The following TRAK1 variants were observed in gnomAD, a reference collection of about 807,000 sequenced individuals.
The protein encoded by TRAK1 is trafficking kinesin protein 1, also known as trafficking kinesin-binding protein 1.
TRAK1 carries 33 observed loss-of-function variants against 92.1 expected under a neutral mutation model. The ratio of observed to expected loss-of-function variants is 0.36; its 90% CI spans 0.27 to 0.48. The LOEUF (loss-of-function observed/expected upper bound fraction) is 0.48. TRAK1 is among the 20% of genes least tolerant of loss of function. TRAK1 has a pLI of 0.99. For missense variants in TRAK1, 1,123 were observed against 1,257.9 expected (o/e 0.89, Z 1.62); for synonymous variants, 521 against 517.3 (o/e 1.01, Z -0.10).
At chr3:42,214,105 C>T (rs771191893) in intron 14 of TRAK1, among the ~76,000 whole-genome samples, 1 of 152,176 alleles carries the variant, frequency 6.6e-6, no homozygotes, top group East Asian at 1.9e-4. Context: ...GAACAAAGCC[C>T]ACTTGTTGAG....
intron 2 of TRAK1, among the ~76,000 whole-genome samples, chr3:42,144,519 T>A (rs1699089036): frequency 6.6e-6 from 1 of 152,162 alleles, no homozygotes; most frequent in African/African-American, 2.4e-5. Context: ...AAGCCCATGC[T>A]CTTAACTATG....
chr3:42,213,889 G>A (rs1173023858), intron 14 of TRAK1, among the ~76,000 whole-genome samples: 1 of 152,118 alleles, frequency 6.6e-6, no homozygotes, highest in Non-Finnish European at 1.5e-5. Context: ...AGGGAGTTTT[G>A]TTGTTATGGA....
chr3:42,122,032 G>T (rs145524991), intron 1 of TRAK1, among the ~76,000 whole-genome samples: 63 of 151,984 alleles, frequency 4.1e-4, no homozygotes, highest in African/African-American at 1.3e-3. Flanking sequence ...TGGCCAGTCA[G>T]GTCTCGAATT....
intron 1 of TRAK1, among the ~76,000 whole-genome samples, chr3:42,046,438 C>T (rs777167623): frequency 8.6e-5 from 13 of 151,900 alleles, no homozygotes; most frequent in South Asian, 8.3e-4. Context: ...ATAGGGGCCA[C>T]GTCTCTACGG....
At position 42,219,034 on chromosome 3, in the gene TRAK1, AG is replaced by A. The variant is rs1237883957; in HGVS notation, c.1964-458del. 5 of 985,412 alleles carry A rather than the reference AG, an allele frequency of 5.1e-6. 1 individual carries two copies. In the Admixed American group the frequency reaches 1.8e-4, roughly 36 times the overall value. 61.0% of individuals were successfully genotyped at this position (985,412 alleles called of 1,614,324 possible). A position where few individuals can be genotyped will look rare whatever the true frequency, so the allele number is the denominator to read the frequency against. On this transcript the variant is annotated intron_variant, in intron 14 of 15. Transcript: ENST00000327628. ...GAGCTGTGAGCCTTGCCCTGTTTGC[AG>A]GTTTCAAGTGCCTCTCCCTGCCTGT...
intron 1 of TRAK1, among the ~76,000 whole-genome samples, chr3:42,019,930 A>C (rs1033595045): frequency 6.6e-6 from 1 of 152,220 alleles, no homozygotes. Flanking sequence ...TATTTCTTGG[A>C]GAGTGGGGAA....
At chr3:42,220,422 G>A (rs1250571652) in intron 15 of TRAK1, 1 of 938,552 alleles carries the variant, frequency 1.1e-6, no homozygotes, top group Non-Finnish European at 1.3e-6. Context: ...TAAGATGCTG[G>A]GTTGCTGGAA....
At chr3:42,194,441 C>T (rs546716343) in intron 9 of TRAK1, among the ~76,000 whole-genome samples, 32 of 151,406 alleles carry the variant, frequency 2.1e-4, no homozygotes, top group Non-Finnish European at 4.3e-4. Flanking sequence ...TTTCCCATGT[C>T]GCCCAGGCTG....
chr3:42,169,203 AT>A (rs1702245151), intron 2 of TRAK1, among the ~76,000 whole-genome samples: 1 of 150,900 alleles, frequency 6.6e-6, no homozygotes, highest in South Asian at 2.1e-4. Flanking sequence ...TATACATTAT[AT>A]GAATGGAATC....
intron 1 of TRAK1, among the ~76,000 whole-genome samples, chr3:42,025,603 A>G (rs1021282147): frequency 6.6e-6 from 1 of 151,300 alleles, no homozygotes; most frequent in Non-Finnish European, 1.5e-5. Flanking sequence ...GATCAGGGTA[A>G]CTTAGCTCAA....
intron 1 of TRAK1, among the ~76,000 whole-genome samples, chr3:42,108,572 G>C (rs532149693): frequency 1.4e-5 from 2 of 146,824 alleles, no homozygotes; most frequent in Non-Finnish European, 3.0e-5. Context: ...ACCCTGACAA[G>C]AAAACAATGG....
In TRAK1 at chr3:42,202,972, T is replaced by C. The variant is rs1001102195; in HGVS notation, c.1744+220T>C. The C allele has an allele frequency of 7.4e-7, 1 of 1,343,158 alleles. No individual in the cohort carries two copies. The highest frequency in any genetic ancestry group is 9.6e-7 in the Non-Finnish European group (1 of 1,046,218). 83.2% of individuals were successfully genotyped at this position (1,343,158 alleles called of 1,614,324 possible). On this transcript the variant is annotated intron_variant, in intron 13 of 15. Coordinates refer to ENST00000327628, the MANE Select transcript of TRAK1 (RefSeq NM_001042646.3). The surrounding 1 kb of genome is among the most constrained non-coding windows in gnomAD (Gnocchi z 6.1). ...GGTGTGACAATGCACACATAGGCCATGAAACTCGCCGAGGAAAGACAAGCA... is the reference window on the plus strand; with the variant it reads ...GGTGTGACAATGCACACATAGGCCACGAAACTCGCCGAGGAAAGACAAGCA...
At position 42,219,573 on chromosome 3, in the gene TRAK1, T is replaced by C. The variant is rs375948939; in HGVS notation, c.2043T>C (p.Asp681=). ...FTTCRILHPS[D]ELTRVTPSLN... is the part of the protein sequence containing the mutation. ...CCTGTCGCATCCTGCATCCTTCAGA[T>C]GAGCTCACTCGGGTCACACCAAGGT... The change falls in exon 15 of 16, where the codon GAT becomes GAC. Residue 681 remains aspartate (D), a synonymous_variant. Transcript: ENST00000327628. 63 of 1,610,968 alleles carry C rather than the reference T, an allele frequency of 3.9e-5. No homozygotes were observed. Among genetic ancestry groups the C allele is most frequent in the Non-Finnish European group, 5.2e-5 (61 of 1,178,580 alleles).
chr3:42,114,788 C>A (rs1325944391), intron 1 of TRAK1, among the ~76,000 whole-genome samples: 1 of 152,150 alleles, frequency 6.6e-6, no homozygotes, highest in Non-Finnish European at 1.5e-5. Flanking sequence ...TCTCAGCTCA[C>A]TGCAACCTCT....
chr3:42,204,105 GTTTA>G (rs1196702538), intron 13 of TRAK1: 9 of 985,716 alleles, frequency 9.1e-6, no homozygotes, highest in Non-Finnish European at 1.1e-5. Context: ...TTTTTTAATT[GTTTA>G]TTTAGTTGTA....
chr3:42,153,534 T>G (rs1400205945), intron 2 of TRAK1, among the ~76,000 whole-genome samples: 1 of 152,134 alleles, frequency 6.6e-6, no homozygotes, highest in Non-Finnish European at 1.5e-5. Context: ...CCTGATAGAT[T>G]TGAATGTTGG....
intron 3 of TRAK1, 114 bp from the exon 4 acceptor site, chr3:42,184,571 A>T: frequency 9.6e-7 from 1 of 1,037,298 alleles, no homozygotes; most frequent in Non-Finnish European, 1.4e-6. Flanking sequence ...TGAATTATTA[A>T]TTCCTTTGTT....
chr3:42,068,324 CTT>C (rs1703769008), intron 1 of TRAK1, among the ~76,000 whole-genome samples: 2 of 152,070 alleles, frequency 1.3e-5, no homozygotes, highest in African/African-American at 4.8e-5. Flanking sequence ...GTCCAGCTAA[CTT>C]TTTTTCTTTT....
chr3:42,154,145 T>C (rs912106354), intron 2 of TRAK1, among the ~76,000 whole-genome samples: 1 of 152,160 alleles, frequency 6.6e-6, no homozygotes, highest in African/African-American at 2.4e-5. Context: ...GGTGCTCTTG[T>C]TTATTTAATT....
Sources: allele counts gnomAD v4.1 joint callset (sites outside exome capture counted in the v4.1 genomes callset), GRCh38; gene constraint gnomAD v4.1.1; non-coding constraint Gnocchi (gnomAD v3.1); transcripts MANE v1.5; gene names NCBI Gene and HGNC (gene_info 2026-07-23, HGNC 2026-07-21).